MARCHF11: variants seen among roughly 807,000 people sequenced by gnomAD.
The protein encoded by MARCHF11 is membrane associated ring-CH-type finger 11.
A neutral mutation model predicts 37.3 loss-of-function variants in MARCHF11; 29 were observed. That is an observed-to-expected ratio of 0.78 (90% CI 0.58 to 1.06). The LOEUF (loss-of-function observed/expected upper bound fraction) is 1.06. Ranked by LOEUF, MARCHF11 falls within the 50% of genes least tolerant of loss-of-function variation. The pLI is 0.00. For missense variants in MARCHF11, 482 were observed against 533.4 expected (o/e 0.90, Z 0.95); for synonymous variants, 233 against 228.0 (o/e 1.02, Z -0.20).
At chr5:16,147,291 C>T (rs1396681810) in intron 2 of MARCHF11, among the ~76,000 whole-genome samples, 3 of 152,060 alleles carry the variant, frequency 2.0e-5, no homozygotes, top group Non-Finnish European at 4.4e-5. Context: ...AGTGCTTTTT[C>T]CATGTGTCAC....
intron 2 of MARCHF11, among the ~76,000 whole-genome samples, chr5:16,123,166 A>T (rs1737340726): frequency 6.6e-6 from 1 of 152,168 alleles, no homozygotes; most frequent in African/African-American, 2.4e-5. Context: ...GACCTCTCAG[A>T]TACTTACATG....
At chr5:16,140,926 TAACA>T (rs1472746330) in intron 2 of MARCHF11, 1 of 152,206 alleles carries the variant, frequency 6.6e-6, no homozygotes, top group African/African-American at 2.4e-5. Flanking sequence ...ATCATAATAC[TAACA>T]TTTATATAGT....
chr5:16,163,297 C>T (rs542757254), intron 2 of MARCHF11, among the ~76,000 whole-genome samples: 8 of 151,886 alleles, frequency 5.3e-5, no homozygotes, highest in Admixed American at 5.3e-4. Flanking sequence ...CAAAACAGTT[C>T]CCTCAAAAGT....
At chr5:16,177,914 T>C (rs1187332152) in intron 1 of MARCHF11, 33 bp from the exon 2 acceptor site, 21 of 1,558,224 alleles carry the variant, frequency 1.3e-5, no homozygotes, top group Non-Finnish European at 1.7e-5. Flanking sequence ...TGAATATCTG[T>C]GTCTGTGTCT....
chr5:16,128,085 A>G (rs1737446039), intron 2 of MARCHF11, among the ~76,000 whole-genome samples: 1 of 152,098 alleles, frequency 6.6e-6, no homozygotes, highest in East Asian at 1.9e-4. Flanking sequence ...TGCTGCTTCT[A>G]ACCCTACTCA....
rs1396943087 is a variant in MARCHF11 at position 16,108,904 on chromosome 5, G to A, written c.694-17823C>T. Among the ~76,000 whole-genome samples the A allele has an allele frequency of 4.6e-5, 7 of 152,214 alleles. No homozygotes were observed. In the South Asian group the frequency reaches 6.2e-4, roughly 14 times the overall value. On this transcript the variant is annotated intron_variant, in intron 2 of 3. Transcript: ENST00000332432. ...TGCATGCATGCATGACTCTGCCTAC[G>A]TTCTCTACCTGCTGGTGATGATGGC...
chr5:16,091,924 G>A (rs541427015), intron 2 of MARCHF11, among the ~76,000 whole-genome samples: 16 of 152,136 alleles, frequency 1.1e-4, no homozygotes, highest in Non-Finnish European at 2.1e-4. Flanking sequence ...AACAAGAATT[G>A]TTATTAAGGT....
intron 2 of MARCHF11, among the ~76,000 whole-genome samples, chr5:16,104,591 A>T (rs1439761648): frequency 6.6e-6 from 1 of 152,000 alleles, no homozygotes; most frequent in Non-Finnish European, 1.5e-5. Context: ...TCAATCGTAA[A>T]ATACTTGAAA....
intron 2 of MARCHF11, chr5:16,129,262 T>C (rs1446035): frequency 6.6e-6 from 1 of 151,900 alleles, no homozygotes; most frequent in Non-Finnish European, 1.5e-5. Context: ...AAATTTAACA[T>C]TGTCAGTTGG....
intron 2 of MARCHF11, among the ~76,000 whole-genome samples, chr5:16,171,578 G>A (rs924536160): frequency 3.3e-5 from 5 of 152,028 alleles, no homozygotes; most frequent in Non-Finnish European, 4.4e-5. Context: ...AATTTCAGTC[G>A]CTATAAGTAA....
chr5:16,138,342 G>A (rs1045966571), intron 2 of MARCHF11, among the ~76,000 whole-genome samples: 9 of 152,172 alleles, frequency 5.9e-5, no homozygotes, highest in Non-Finnish European at 7.3e-5. Flanking sequence ...CCCAAGCCTC[G>A]GCAGCTTACA....
chr5:16,128,722 T>G lies in MARCHF11; in HGVS notation c.694-37641A>C, dbSNP rs147295343. 8.7e-3 allele frequency among the ~76,000 whole-genome samples: 1,332 copies of G among 152,334 alleles called. 12 individuals carry two copies. The highest frequency in any genetic ancestry group is 0.014 in the Admixed American group (219 of 15,294). On this transcript the variant is annotated intron_variant, in intron 2 of 3. Coordinates refer to ENST00000332432, the MANE Select transcript of MARCHF11 (RefSeq NM_001102562.3). Reference sequence around the variant, plus strand: ...TAACCTCTTTGGAGTGGATTTTAGTTCACTGTTTATATGCCAAACTTGACT... The same window carrying G: ...TAACCTCTTTGGAGTGGATTTTAGTGCACTGTTTATATGCCAAACTTGACT...
At chr5:16,163,018 G>A (rs1255355527) in intron 2 of MARCHF11, among the ~76,000 whole-genome samples, 1 of 151,994 alleles carries the variant, frequency 6.6e-6, no homozygotes, top group Non-Finnish European at 1.5e-5. Flanking sequence ...CAAAGTCCAT[G>A]CTTTTTTTAT....
intron 2 of MARCHF11, among the ~76,000 whole-genome samples, chr5:16,128,720 G>A (rs756690386): frequency 6.6e-6 from 1 of 152,184 alleles, no homozygotes; most frequent in Non-Finnish European, 1.5e-5. Context: ...GTGGATTTTA[G>A]TTCACTGTTT....
At chr5:16,142,202 G>T (rs940505407) in intron 2 of MARCHF11, among the ~76,000 whole-genome samples, 13 of 152,198 alleles carry the variant, frequency 8.5e-5, no homozygotes, top group African/African-American at 2.9e-4. Context: ...ATCGGGGGAA[G>T]GTTGCACTTA....
intron 2 of MARCHF11, among the ~76,000 whole-genome samples, chr5:16,129,611 T>C (rs903003274): frequency 6.6e-6 from 1 of 152,206 alleles, no homozygotes; most frequent in Non-Finnish European, 1.5e-5. Flanking sequence ...TAAATTATAT[T>C]TCAAACAACT....
chr5:16,085,259 A>G (rs1019472280), intron 3 of MARCHF11, among the ~76,000 whole-genome samples: 2 of 151,970 alleles, frequency 1.3e-5, no homozygotes, highest in African/African-American at 4.8e-5. Flanking sequence ...GAAGGCAGGG[A>G]TTTTGAGAGG....
At position 16,067,582 on chromosome 5, in the gene MARCHF11, C is replaced by T. The variant is rs373564376; in HGVS notation, c.1098G>A (p.Arg366=). ...GCAATAACACATAGCCACACTGAAACCTTGGTGAGGTTAACTGAGTTGGGT... is the reference window on the plus strand; with the variant it reads ...GCAATAACACATAGCCACACTGAAATCTTGGTGAGGTTAACTGAGTTGGGT... ...LVHPTQLTSP[R]FQCGYVLLHL... Residue 366 remains arginine (R), a synonymous_variant, in exon 4 of 4, where the codon AGG becomes AGA. Coordinates refer to ENST00000332432, the MANE Select transcript of MARCHF11 (RefSeq NM_001102562.3). The T allele has an allele frequency of 5.0e-6, 8 of 1,613,930 alleles. No homozygotes were observed. The East Asian group carries it at 1.8e-4, about 36-fold the overall frequency.
At chr5:16,129,179 A>G (rs2126582784) in intron 2 of MARCHF11, 1 of 152,260 alleles carries the variant, frequency 6.6e-6, no homozygotes, top group South Asian at 2.1e-4. Flanking sequence ...TTTGCATGAA[A>G]CTGACATAAG....
Sources: allele counts gnomAD v4.1 joint callset (sites outside exome capture counted in the v4.1 genomes callset), GRCh38; gene constraint gnomAD v4.1.1; transcripts MANE v1.5; gene names NCBI Gene and HGNC (gene_info 2026-07-23, HGNC 2026-07-21).